Variants in PLCB4 observed in about 807,000 individuals in gnomAD.
PLCB4 encodes the protein 1-phosphatidylinositol 4,5-bisphosphate phosphodiesterase beta-4.
PLCB4 carries 77 observed loss-of-function variants against 178.8 expected under a neutral mutation model. That is an observed-to-expected ratio of 0.43 (90% CI 0.36 to 0.52). PLCB4 has a LOEUF of 0.52. Ranked by LOEUF, PLCB4 falls within the 20% of genes least tolerant of loss-of-function variation. The pLI, the probability that PLCB4 is intolerant of heterozygous loss-of-function variation, is 0.00. For missense variants in PLCB4, 1,024 were observed against 1,453.4 expected (o/e 0.70, Z 4.80); for synonymous variants, 496 against 490.8 (o/e 1.01, Z -0.14).
At chr20:9,225,105 G>A (rs2093847058) in intron 3 of PLCB4, among the ~76,000 whole-genome samples, 1 of 152,092 alleles carries the variant, frequency 6.6e-6, no homozygotes, top group Non-Finnish European at 1.5e-5. Context: ...TGAATGAAGG[G>A]CTAGATATTC....
chr20:9,230,594 ACAATTCACTGGGTCAG>A (rs2147347786), intron 3 of PLCB4, among the ~76,000 whole-genome samples: 1 of 152,278 alleles, frequency 6.6e-6, no homozygotes, highest in East Asian at 1.9e-4. Flanking sequence ...CATTTAACTC[ACAATTCACTGGGTCAG>A]CAATTTGGGC....
intron 3 of PLCB4, among the ~76,000 whole-genome samples, chr20:9,219,324 C>T (rs1443198976): frequency 6.6e-6 from 1 of 152,118 alleles, no homozygotes; most frequent in African/African-American, 2.4e-5. Context: ...GAAAAATTAG[C>T]CAGGCATGGT....
intron 3 of PLCB4, among the ~76,000 whole-genome samples, chr20:9,257,180 C>T (rs184059400): frequency 6.6e-6 from 1 of 152,256 alleles, no homozygotes; most frequent in Admixed American, 6.5e-5. Flanking sequence ...AGTATTTATT[C>T]TGTTTCTGGA....
Position 9,098,763 on chromosome 20 carries a change from GTA to G in PLCB4, c.-79+2431_-79+2432del, listed in dbSNP as rs73613692. The stretch of plus-strand genomic sequence containing the variant: ...TATATGTGTGTGTGTGTGTGTGTGT[GTA>G]TATATATATGAGACTATTTAATACA... On this transcript the variant is annotated intron_variant, in intron 2 of 39. Transcript: ENST00000378473. Among the ~76,000 whole-genome samples the G allele has an allele frequency of 5.4e-5, 8 of 146,834 alleles. 1 individual carries two copies. The East Asian group carries it at 6.0e-4, about 11-fold the overall frequency.
Position 9,404,476 on chromosome 20 carries a change from G to A in PLCB4, c.1612-837G>A, listed in dbSNP as rs149086339. On this transcript the variant is annotated intron_variant, in intron 20 of 39. Coordinates refer to ENST00000378473, the MANE Select transcript of PLCB4 (RefSeq NM_001377142.1). ...AAAAATTAGCCAGGCGCCATGGTACGCGCCTGTAATCCCAGCTACTCAGGA... is the reference window on the plus strand; with the variant it reads ...AAAAATTAGCCAGGCGCCATGGTACACGCCTGTAATCCCAGCTACTCAGGA... 3.0e-3 allele frequency among the ~76,000 whole-genome samples: 451 copies of A among 152,108 alleles called. 2 individuals are homozygous for A. Among genetic ancestry groups the A allele is most frequent in the African/African-American group, 9.6e-3 (397 of 41,490 alleles).
intron 35 of PLCB4, among the ~76,000 whole-genome samples, chr20:9,465,084 C>A (rs2043674737): frequency 6.6e-6 from 1 of 152,164 alleles, no homozygotes; most frequent in African/African-American, 2.4e-5. Context: ...AAAGCTTAAC[C>A]ACCATGATCA....
intron 2 of PLCB4, among the ~76,000 whole-genome samples, chr20:9,156,953 G>C (rs146515246): frequency 6.6e-6 from 1 of 150,672 alleles, no homozygotes; most frequent in Non-Finnish European, 1.5e-5. Flanking sequence ...GATTATTCAG[G>C]AGGCCTTATT....
At chr20:9,252,264 G>C (rs2094189282) in intron 3 of PLCB4, among the ~76,000 whole-genome samples, 1 of 152,174 alleles carries the variant, frequency 6.6e-6, no homozygotes, top group African/African-American at 2.4e-5. Flanking sequence ...TGCAAGTATA[G>C]GTCCTCACTA....
chr20:9,406,577 C>A (rs558285607), intron 21 of PLCB4, among the ~76,000 whole-genome samples: 1 of 151,852 alleles, frequency 6.6e-6, no homozygotes, highest in Non-Finnish European at 1.5e-5. Context: ...AAAGCTCTGC[C>A]CCCCGGGTTC....
rs866578239 is a variant in PLCB4 at position 9,202,109 on chromosome 20, C to T, written c.-78-15281C>T. 1.4e-4 allele frequency among the ~76,000 whole-genome samples: 22 copies of T among 152,306 alleles called. 1 individual carries two copies. Among genetic ancestry groups the T allele is most frequent in the South Asian group, 6.2e-4 (3 of 4,824 alleles). ...CACAGATGAATCCCAAAATACATTACGCTTCCTGAAAGAAGCTGGAGTCAG... is the reference window on the plus strand; with the variant it reads ...CACAGATGAATCCCAAAATACATTATGCTTCCTGAAAGAAGCTGGAGTCAG... On this transcript the variant is annotated intron_variant, in intron 2 of 39. Transcript: ENST00000378473.
chr20:9,070,984 C>T (rs1240398407), intron 1 of PLCB4, among the ~76,000 whole-genome samples: 2 of 152,148 alleles, frequency 1.3e-5, no homozygotes, highest in Non-Finnish European at 1.5e-5. Context: ...TGCATACCCA[C>T]GCAGAAAGCT....
intron 1 of PLCB4, among the ~76,000 whole-genome samples, chr20:9,092,439 G>A (rs867235039): frequency 3.9e-5 from 6 of 152,070 alleles, no homozygotes; most frequent in Non-Finnish European, 5.9e-5. Context: ...TTGACAAGTG[G>A]GAATTGTTGA....
At chr20:9,295,363 T>C (rs2094621877) in intron 3 of PLCB4, among the ~76,000 whole-genome samples, 1 of 152,150 alleles carries the variant, frequency 6.6e-6, no homozygotes, top group Admixed American at 6.6e-5. Context: ...TGACAAGTTC[T>C]ACTTTTGAGA....
At chr20:9,106,087 A>G (rs1217368123) in intron 2 of PLCB4, among the ~76,000 whole-genome samples, 3 of 152,114 alleles carry the variant, frequency 2.0e-5, no homozygotes, top group Admixed American at 2.0e-4. Flanking sequence ...AAGTATAAAG[A>G]GCTTTTAAAA....
intron 38 of PLCB4, among the ~76,000 whole-genome samples, chr20:9,474,502 A>G (rs534784587): frequency 7.9e-5 from 12 of 152,166 alleles, no homozygotes; most frequent in Non-Finnish European, 1.2e-4. Flanking sequence ...TAGGTAATTC[A>G]ATTTAGAAAC....
intron 7 of PLCB4, among the ~76,000 whole-genome samples, chr20:9,360,321 A>G (rs2035210587): frequency 1.3e-5 from 2 of 152,240 alleles, no homozygotes; most frequent in African/African-American, 4.8e-5. Context: ...TTCCATCACA[A>G]TAAACAAGAT....
At chr20:9,335,501 A>C (rs2148049876) in intron 4 of PLCB4, among the ~76,000 whole-genome samples, 1 of 152,320 alleles carries the variant, frequency 6.6e-6, no homozygotes, top group South Asian at 2.1e-4. Flanking sequence ...GAAGGGTCAA[A>C]AAATGTCATA....
intron 3 of PLCB4, among the ~76,000 whole-genome samples, chr20:9,266,485 C>G (rs548781294): frequency 6.6e-6 from 1 of 151,976 alleles, no homozygotes; most frequent in Admixed American, 6.6e-5. Context: ...AAATTTTTGG[C>G]CCTGTAAGTT....
At chr20:9,284,953 A>G (rs903971107) in intron 3 of PLCB4, among the ~76,000 whole-genome samples, 2 of 151,966 alleles carry the variant, frequency 1.3e-5, no homozygotes, top group African/African-American at 4.8e-5. Flanking sequence ...TTTAAATTGC[A>G]ATGGCCTTGA....
Sources: gnomAD v4.1 joint callset for allele counts (sites outside exome capture counted in the v4.1 genomes callset) on GRCh38, gnomAD v4.1.1 for gene constraint, MANE v1.5 for transcripts, NCBI Gene and HGNC (gene_info 2026-07-23, HGNC 2026-07-21) for gene names.